DYM: variants seen among roughly 807,000 people sequenced by gnomAD.
DYM encodes dymeclin.
In DYM, 78 loss-of-function variants were observed where a neutral mutation model predicts 93.1. That is an observed-to-expected ratio of 0.84 (90% CI 0.70 to 1.01). DYM has a LOEUF of 1.01. Among genes scored for constraint, DYM ranks in the 50% least tolerant of loss-of-function variants. The probability of loss-of-function intolerance (pLI) is 0.00; values close to 1 mark genes in which losing one functional copy is unlikely to be tolerated. For missense variants in DYM, 789 were observed against 845.0 expected (o/e 0.93, Z 0.82); for synonymous variants, 321 against 319.7 (o/e 1.00, Z -0.04).
intron 1 of DYM, 47 bp from the exon 2 acceptor site, chr18:49,430,494 A>G: frequency 4.9e-6 from 7 of 1,415,162 alleles, no homozygotes; most frequent in Non-Finnish European, 6.8e-6. Flanking sequence ...AAAAGTCATC[A>G]TGCTTTGTCT....
At chr18:49,299,872 T>C (rs947793032) in intron 8 of DYM, among the ~76,000 whole-genome samples, 11 of 151,232 alleles carry the variant, frequency 7.3e-5, no homozygotes, top group Admixed American at 5.3e-4. Context: ...TGAAACCCCG[T>C]CTCTACTGAA....
rs542356266 is a variant in DYM, at chr18:49,378,814, T to C, written c.288-114A>G. 4.9e-6 allele frequency: 5 copies of C among 1,020,302 alleles called. No homozygotes were observed. In the East Asian group the frequency reaches 1.3e-4, roughly 26 times the overall value. 63.2% of individuals were successfully genotyped at this position (1,020,302 alleles called of 1,614,324 possible). On this transcript the variant is annotated intron_variant, in intron 4 of 17. Transcript: ENST00000675505. ...ACCGTTTTGTCCATCCTATTGGTAA[T>C]ATTAGGATAATGTCCATATCTTTTA...
Position 49,122,689 on chromosome 18 carries a change from C to T in DYM, c.1729-3763G>A, listed in dbSNP as rs189169543. Among the ~76,000 whole-genome samples, 7 of 152,320 alleles carry T rather than the reference C, an allele frequency of 4.6e-5. No homozygotes were observed. In the East Asian group the frequency reaches 1.3e-3, roughly 29 times the overall value. ...ATGCACTTGAATCATCCTGAAACCACCAACCAGTCCATGGAAAAACTGTCT... is the reference window on the plus strand; with the variant it reads ...ATGCACTTGAATCATCCTGAAACCATCAACCAGTCCATGGAAAAACTGTCT... On this transcript the variant is annotated intron_variant, in intron 15 of 17. Transcript: ENST00000675505.
In DYM at chr18:49,036,871, C is replaced by A. The variant is rs985516383; in HGVS notation, c.*7184G>T. Among the ~76,000 whole-genome samples, 1 of 151,944 alleles carries A rather than the reference C, an allele frequency of 6.6e-6. No homozygotes were observed. Among genetic ancestry groups the A allele is most frequent in the African/African-American group, 2.4e-5 (1 of 41,366 alleles). ...TCTCTCCTGCCCTTTCTCCTTCCTT[C>A]TTTGATCAGTCTTTTAAGGGGTTAT... On this transcript the variant is annotated 3_prime_UTR_variant, in exon 18 of 18. Transcript: ENST00000675505.
chr18:49,396,032 C>T (rs1374554616), intron 2 of DYM, among the ~76,000 whole-genome samples: 9 of 152,238 alleles, frequency 5.9e-5, no homozygotes, highest in East Asian at 3.9e-4. Context: ...GGCACCTCCC[C>T]GCCCCATTGC....
intron 13 of DYM, among the ~76,000 whole-genome samples, chr18:49,212,190 A>G (rs1250582220): frequency 6.6e-6 from 1 of 152,224 alleles, no homozygotes; most frequent in Non-Finnish European, 1.5e-5. Flanking sequence ...ATTCCAGATT[A>G]AAAAAGATGA....
intron 1 of DYM, among the ~76,000 whole-genome samples, chr18:49,447,789 T>G (rs2082216684): frequency 6.6e-6 from 1 of 152,186 alleles, no homozygotes; most frequent in Non-Finnish European, 1.5e-5. Context: ...AGTTTTATGG[T>G]TCAGGGAAGT....
chr18:49,273,313 T>C (rs987956144), intron 10 of DYM, among the ~76,000 whole-genome samples: 2 of 152,214 alleles, frequency 1.3e-5, no homozygotes, highest in Non-Finnish European at 2.9e-5. Context: ...CATTGCTCTG[T>C]CTCTTTTCCC....
chr18:49,395,488 G>T (rs2069948853), intron 2 of DYM, among the ~76,000 whole-genome samples: 1 of 152,080 alleles, frequency 6.6e-6, no homozygotes, highest in Non-Finnish European at 1.5e-5. Context: ...AATAAGCCAG[G>T]TGTGGTGGCT....
chr18:49,238,568 C>T (rs2093940444), intron 13 of DYM, among the ~76,000 whole-genome samples: 1 of 151,898 alleles, frequency 6.6e-6, no homozygotes, highest in Admixed American at 6.6e-5. Flanking sequence ...GCCTGGTGCA[C>T]CTTAGTGTCC....
intron 11 of DYM, among the ~76,000 whole-genome samples, chr18:49,264,095 G>A (rs1170658706): frequency 7.6e-6 from 1 of 130,846 alleles, no homozygotes. Flanking sequence ...AAATTGGATG[G>A]GCGTTGTTTT....
intron 8 of DYM, among the ~76,000 whole-genome samples, chr18:49,288,449 A>C (rs1444146867): frequency 6.6e-6 from 1 of 152,134 alleles, no homozygotes; most frequent in Non-Finnish European, 1.5e-5. Flanking sequence ...GTAAAGGCAT[A>C]ACATGTTTCT....
intron 17 of DYM, among the ~76,000 whole-genome samples, chr18:49,074,419 T>G (rs1304344312): frequency 6.6e-6 from 1 of 152,188 alleles, no homozygotes. Flanking sequence ...TCTGTGGATT[T>G]TGGTATCTAT....
At chr18:49,408,720 G>T in intron 2 of DYM, among the ~76,000 whole-genome samples, 1 of 152,164 alleles carries the variant, frequency 6.6e-6, no homozygotes, top group South Asian at 2.1e-4. Flanking sequence ...AGGGTATGAT[G>T]TCTAAGTAGC....
chr18:49,319,351 G>A (rs987327815), intron 8 of DYM, among the ~76,000 whole-genome samples: 2 of 152,160 alleles, frequency 1.3e-5, no homozygotes, highest in Non-Finnish European at 2.9e-5. Context: ...TTATGGTGAA[G>A]GGTGCTACTG....
At chr18:49,177,739 T>C (rs1298298150) in intron 14 of DYM, among the ~76,000 whole-genome samples, 1 of 152,170 alleles carries the variant, frequency 6.6e-6, no homozygotes, top group Non-Finnish European at 1.5e-5. Flanking sequence ...TGTTTGTAGG[T>C]TTGTCTCATT....
At chr18:49,425,143 A>G (rs1050469881) in intron 2 of DYM, among the ~76,000 whole-genome samples, 18 of 152,332 alleles carry the variant, frequency 1.2e-4, no homozygotes, top group South Asian at 1.0e-3. Flanking sequence ...ACTTCAAACT[A>G]TACTACAAGG....
At chr18:49,288,298 CAATA>C (rs2059796128) in intron 8 of DYM, among the ~76,000 whole-genome samples, 2 of 152,164 alleles carry the variant, frequency 1.3e-5, no homozygotes, top group Admixed American at 6.5e-5. Context: ...TACATACAAT[CAATA>C]AATAATTAGA....
rs1599289649 is a variant in DYM, at chr18:49,043,958, C to A, written c.*97G>T. 2.1e-6 allele frequency: 3 copies of A among 1,413,614 alleles called. No homozygotes were observed. The East Asian group carries it at 6.9e-5, about 32-fold the overall frequency. 87.6% of individuals were successfully genotyped at this position (1,413,614 alleles called of 1,614,324 possible). A position where few individuals can be genotyped will look rare whatever the true frequency, so the allele number is the denominator to read the frequency against. On this transcript the variant is annotated 3_prime_UTR_variant, in exon 18 of 18. Transcript: ENST00000675505. ...GTGCAATCCTCTTTAACAGAAGATACACCAAGTAACCTGTCTGTCTACTTC... is the reference window on the plus strand; with the variant it reads ...GTGCAATCCTCTTTAACAGAAGATAAACCAAGTAACCTGTCTGTCTACTTC...
Sources: allele counts gnomAD v4.1 joint callset (sites outside exome capture counted in the v4.1 genomes callset), GRCh38; gene constraint gnomAD v4.1.1; transcripts MANE v1.5; gene names NCBI Gene and HGNC (gene_info 2026-07-23, HGNC 2026-07-21).